CADPS2: variants seen among roughly 807,000 people sequenced by gnomAD.
CADPS2 encodes calcium-dependent secretion activator 2.
CADPS2 carries 93 observed loss-of-function variants against 172.5 expected under a neutral mutation model. That is an observed-to-expected ratio of 0.54 (90% CI 0.46 to 0.64). The LOEUF (loss-of-function observed/expected upper bound fraction) is 0.64, where lower values mean the gene tolerates loss of function less well. Ranked by LOEUF, CADPS2 falls within the 30% of genes least tolerant of loss-of-function variation. The pLI is 0.00. For synonymous variants in CADPS2, 546 were observed against 555.2 expected (o/e 0.98, Z 0.23); for missense variants, 1,420 against 1,565.9 (o/e 0.91, Z 1.57).
chr7:122,645,765 C>A (rs1434935336), intron 3 of CADPS2, among the ~76,000 whole-genome samples: 1 of 144,104 alleles, frequency 6.9e-6, no homozygotes, highest in Non-Finnish European at 1.5e-5. Context: ...CTGTGAATAT[C>A]ACTGCCCCCT....
chr7:122,415,300 A>G (rs977243955), intron 18 of CADPS2, among the ~76,000 whole-genome samples: 2 of 152,178 alleles, frequency 1.3e-5, no homozygotes, highest in Admixed American at 6.5e-5. Context: ...GTTAACTTAC[A>G]TTTCTAAACC....
chr7:122,809,195 T>C (rs1799457050), intron 1 of CADPS2, among the ~76,000 whole-genome samples: 2 of 151,970 alleles, frequency 1.3e-5, no homozygotes, highest in African/African-American at 4.8e-5. Context: ...ATGGCAAGGG[T>C]CTAAGACAAA....
intron 3 of CADPS2, among the ~76,000 whole-genome samples, chr7:122,632,448 T>C (rs548892028): frequency 1.3e-5 from 2 of 152,328 alleles, no homozygotes; most frequent in African/African-American, 4.8e-5. Flanking sequence ...GATTTGCATT[T>C]CTCTGATGAT....
chr7:122,479,792 T>C (rs1028866798), intron 12 of CADPS2, among the ~76,000 whole-genome samples: 4 of 152,210 alleles, frequency 2.6e-5, no homozygotes, highest in Admixed American at 1.3e-4. Flanking sequence ...AAATTTAATA[T>C]ATTAGATCAA....
At chr7:122,537,821 CAG>C (rs2062464880) in intron 8 of CADPS2, among the ~76,000 whole-genome samples, 1 of 150,970 alleles carries the variant, frequency 6.6e-6, no homozygotes, top group Non-Finnish European at 1.5e-5. Context: ...GCAGGAATAA[CAG>C]AAATTAAACA....
chr7:122,595,627 A>C (rs1272273609), intron 6 of CADPS2, among the ~76,000 whole-genome samples: 1 of 152,098 alleles, frequency 6.6e-6, no homozygotes, highest in Non-Finnish European at 1.5e-5. Flanking sequence ...AGGATGGACC[A>C]TCTATATGGG....
Position 122,438,411 on chromosome 7 carries a change from C to T in CADPS2, c.2406G>A (p.Val802=), listed in dbSNP as rs373114112. Residue 802 remains valine (V), a synonymous_variant, in exon 17 of 30, where the codon GTG becomes GTA. Coordinates refer to ENST00000449022, the MANE Select transcript of CADPS2 (RefSeq NM_017954.11). ...CAGCTTTCTCGAGACATTTTCTGAC[C>T]ACTTTCTTCACCTCTTCTGCTGGTA... is the stretch of plus-strand genomic sequence containing the variant. ...TPIPAEEVKK[V]VRKCLEKAAL... 8 of 1,613,028 alleles carry T rather than the reference C, an allele frequency of 5.0e-6. No homozygotes were observed. Among genetic ancestry groups the T allele is most frequent in the African/African-American group, 1.3e-5 (1 of 74,856 alleles).
chr7:122,361,053 G>A (rs2040057406), intron 25 of CADPS2, 40 bp from the exon 26 acceptor site: 5 of 1,488,698 alleles, frequency 3.4e-6, no homozygotes, highest in African/African-American at 1.4e-5. Context: ...ATGTTACTAT[G>A]CATACAAACT....
At position 122,541,826 on chromosome 7, in the gene CADPS2, TATATTC is replaced by T. The variant is rs57983669; in HGVS notation, c.1475+12718_1475+12723del. ...ATATATTTATATATTCATATGTTTA[TATATTC>T]ATATGTTTATATATTCATATATATT... On this transcript the variant is annotated intron_variant, in intron 8 of 29. Coordinates refer to ENST00000449022, the MANE Select transcript of CADPS2 (RefSeq NM_017954.11). 8.8e-3 allele frequency among the ~76,000 whole-genome samples: 1,041 copies of T among 118,326 alleles called. 13 individuals carry two copies. Among genetic ancestry groups the T allele is most frequent in the African/African-American group, 0.031 (1,000 of 31,856 alleles). 77.6% of individuals were successfully genotyped at this position (118,326 alleles called of 152,430 possible).
At chr7:122,696,430 T>C (rs935398521) in intron 2 of CADPS2, among the ~76,000 whole-genome samples, 1 of 152,240 alleles carries the variant, frequency 6.6e-6, no homozygotes. Context: ...GGCTCACACC[T>C]GGTCATTTGC....
At chr7:122,787,549 A>G (rs1222151356) in intron 1 of CADPS2, among the ~76,000 whole-genome samples, 1 of 152,214 alleles carries the variant, frequency 6.6e-6, no homozygotes, top group East Asian at 1.9e-4. Flanking sequence ...CCTTTACTCT[A>G]ATACTACAGT....
In CADPS2 at chr7:122,318,619, C is replaced by G. The variant is rs2031784872; in HGVS notation, c.*1546G>C. On this transcript the variant is annotated 3_prime_UTR_variant, in exon 30 of 30. Transcript: ENST00000449022. ...AGAGAAGAAAAGGAGGGAGAACATT[C>G]CCAAACTGCCTTTCAAAGATAGTGA... 6.6e-6 allele frequency: 1 copy of G among 152,164 alleles called. No individual in the cohort carries two copies. The highest frequency in any genetic ancestry group is 1.5e-5 in the Non-Finnish European group (1 of 68,024). The allele number at this position is 152,164 out of a possible 1,614,324, so 9.4% of individuals were successfully genotyped here. A position where few individuals can be genotyped will look rare whatever the true frequency, so the allele number is the denominator to read the frequency against.
Position 122,451,401 on chromosome 7 carries a change from A to T in CADPS2, c.2261T>A (p.Leu754His). 6.4e-7 allele frequency: 1 copy of T among 1,556,236 alleles called. No homozygotes were observed. Among genetic ancestry groups the T allele is most frequent in the Non-Finnish European group, 8.7e-7 (1 of 1,147,756 alleles). Residue 754 changes from leucine (L) to histidine (H), a missense_variant, in exon 15 of 30, where the codon CTT becomes CAT. Physicochemically the swap from Leu to His is moderately conservative, Grantham distance 99 (BLOSUM62 -3). Coordinates refer to ENST00000449022, the MANE Select transcript of CADPS2 (RefSeq NM_017954.11). The stretch of plus-strand genomic sequence containing the variant: ...GAAATGGCTTATCTGATTTTCTAAA[A>T]GGGAAGAGAGTCTCTCTTTTATCTC... ...FEEIKERLSS[L>H]LENQISHFRY...
intron 1 of CADPS2, among the ~76,000 whole-genome samples, chr7:122,877,930 GAGA>G (rs1270792117): frequency 6.6e-6 from 1 of 152,146 alleles, no homozygotes; most frequent in African/African-American, 2.4e-5. Flanking sequence ...GTGAGTGAGT[GAGA>G]AGATGAAGTC....
At chr7:122,681,924 T>G (rs1170774028) in intron 2 of CADPS2, among the ~76,000 whole-genome samples, 2 of 152,048 alleles carry the variant, frequency 1.3e-5, no homozygotes, top group African/African-American at 4.8e-5. Flanking sequence ...CTTTTTTTTT[T>G]GTTTGCTTGT....
At chr7:122,358,111 C>G (rs978689907) in intron 27 of CADPS2, among the ~76,000 whole-genome samples, 2 of 152,150 alleles carry the variant, frequency 1.3e-5, no homozygotes, top group African/African-American at 2.4e-5. Context: ...GTTCCTGTTG[C>G]TCTCTTATCC....
rs138248541 is a variant in CADPS2, at chr7:122,652,844, GTCTT to G, written c.786+10389_786+10392del. 8.5e-4 allele frequency among the ~76,000 whole-genome samples: 130 copies of G among 152,098 alleles called. 1 individual carries two copies. In the East Asian group the frequency reaches 0.019, roughly 22 times the overall value. ...GTTTTCTTGATAACAATAACAATTT[GTCTT>G]TCTATTATCCCTAATTTCATATCTT... On this transcript the variant is annotated intron_variant, in intron 3 of 29. Transcript: ENST00000449022.
intron 2 of CADPS2, among the ~76,000 whole-genome samples, chr7:122,670,994 C>G (rs1014699100): frequency 5.3e-5 from 8 of 152,028 alleles, no homozygotes; most frequent in African/African-American, 1.9e-4. Context: ...ACCTCACCAT[C>G]CCCTAATTAT....
chr7:122,727,731 A>G (rs958330614), intron 2 of CADPS2, among the ~76,000 whole-genome samples: 1 of 151,908 alleles, frequency 6.6e-6, no homozygotes, highest in African/African-American at 2.4e-5. Flanking sequence ...TACAGAACAC[A>G]CTCACAGGCA....
Sources: allele counts gnomAD v4.1 joint callset (sites outside exome capture counted in the v4.1 genomes callset), GRCh38; gene constraint gnomAD v4.1.1; transcripts MANE v1.5; gene names NCBI Gene and HGNC (gene_info 2026-07-23, HGNC 2026-07-21).